PCCA: variants seen among roughly 807,000 people sequenced by gnomAD.
PCCA encodes the protein propionyl-CoA carboxylase alpha chain, mitochondrial.
In PCCA, 74 loss-of-function variants were observed where a neutral mutation model predicts 101.3. The ratio of observed to expected loss-of-function variants is 0.73; its 90% CI spans 0.61 to 0.89. The LOEUF (loss-of-function observed/expected upper bound fraction) is 0.89. Ranked by LOEUF, PCCA falls within the 40% of genes least tolerant of loss-of-function variation. The pLI, the probability that PCCA is intolerant of heterozygous loss-of-function variation, is 0.00. For missense variants in PCCA, 891 were observed against 907.0 expected, an observed-to-expected ratio of 0.98 and a Z score of 0.23; for synonymous variants, 294 against 313.6, an observed-to-expected ratio of 0.94 and a Z score of 0.66.
intron 1 of PCCA, among the ~76,000 whole-genome samples, chr13:100,094,019 G>A (rs571425713): frequency 8.6e-5 from 13 of 151,912 alleles, no homozygotes; most frequent in African/African-American, 2.2e-4. Flanking sequence ...ACCTGAGGTC[G>A]GGAGTTCAAG....
At chr13:100,265,496 C>T (rs920071996) in intron 10 of PCCA, among the ~76,000 whole-genome samples, 1 of 152,068 alleles carries the variant, frequency 6.6e-6, no homozygotes, top group Non-Finnish European at 1.5e-5. Context: ...AGTTTTCATT[C>T]TCTTTAGGTT....
intron 19 of PCCA, among the ~76,000 whole-genome samples, chr13:100,411,083 T>G (rs1302890935): frequency 6.6e-6 from 1 of 152,156 alleles, no homozygotes; most frequent in Non-Finnish European, 1.5e-5. Context: ...GGTATCAATG[T>G]GAAGTCATTT....
At chr13:100,326,484 A>T (rs1273297820) in intron 16 of PCCA, among the ~76,000 whole-genome samples, 1 of 152,198 alleles carries the variant, frequency 6.6e-6, no homozygotes, top group African/African-American at 2.4e-5. Flanking sequence ...TGGCAGTAAA[A>T]CTAAAACAGT....
At chr13:100,374,376 A>T (rs778055147) in intron 19 of PCCA, among the ~76,000 whole-genome samples, 9 of 151,966 alleles carry the variant, frequency 5.9e-5, no homozygotes, top group Non-Finnish European at 1.0e-4. Flanking sequence ...CCAATAACAA[A>T]CTGATTTTTA....
At chr13:100,301,687 T>TAGGGTTTTATAATGTTGCCAA in intron 13 of PCCA, 84 bp downstream of exon 13, 1 of 1,465,810 alleles carries the variant, frequency 6.8e-7, no homozygotes, top group Admixed American at 1.7e-5. Flanking sequence ...GAGGTAAAGT[T>TAGGGTTTTATAATGTTGCCAA]AGGGTTTTAT....
At chr13:100,132,270 C>CCGTTACCCCTCAGACTCCCTTGTGAGT (rs2050592787) in intron 4 of PCCA, among the ~76,000 whole-genome samples, 1 of 133,798 alleles carries the variant, frequency 7.5e-6, no homozygotes, top group South Asian at 2.7e-4. Context: ...CAGAGTAGTT[C>CCGTTACCCCTCAGACTCCCTTGTGAGT]CATTACCCCT....
chr13:100,233,603 A>G (rs1229293405), intron 7 of PCCA, among the ~76,000 whole-genome samples: 1 of 152,180 alleles, frequency 6.6e-6, no homozygotes, highest in Non-Finnish European at 1.5e-5. Context: ...CTCAAAGACC[A>G]TATTGGGGCT....
intron 7 of PCCA, among the ~76,000 whole-genome samples, chr13:100,231,955 G>T (rs1434170167): frequency 6.6e-6 from 1 of 152,100 alleles, no homozygotes; most frequent in African/African-American, 2.4e-5. Flanking sequence ...GTGTATTTCT[G>T]TCTTAATGTA....
intron 18 of PCCA, among the ~76,000 whole-genome samples, chr13:100,355,817 C>T (rs2073899756): frequency 6.6e-6 from 1 of 152,044 alleles, no homozygotes; most frequent in Non-Finnish European, 1.5e-5. Flanking sequence ...AATGCTTTTG[C>T]ATTGTAAAAG....
At chr13:100,227,000 C>T (rs1172827774) in intron 7 of PCCA, among the ~76,000 whole-genome samples, 3 of 152,164 alleles carry the variant, frequency 2.0e-5, no homozygotes, top group South Asian at 2.1e-4. Context: ...TCTGGCATAG[C>T]GCCTGTGTTC....
intron 1 of PCCA, among the ~76,000 whole-genome samples, chr13:100,093,667 C>A (rs2046477224): frequency 2.0e-5 from 3 of 152,060 alleles, no homozygotes; most frequent in Admixed American, 2.0e-4. Context: ...CAATCTCAAC[C>A]CTTTGGGAGG....
intron 4 of PCCA, among the ~76,000 whole-genome samples, chr13:100,128,816 T>G (rs1398491983): frequency 2.2e-4 from 33 of 152,154 alleles, no homozygotes; most frequent in Non-Finnish European, 5.9e-5. Context: ...ATCTCCTAGT[T>G]TTCTCTCTAC....
At chr13:100,307,064 C>T in intron 14 of PCCA, 128 bp from the exon 15 acceptor site, 1 of 694,712 alleles carries the variant, frequency 1.4e-6, no homozygotes, top group Non-Finnish European at 2.5e-6. Context: ...TTCCTATTTT[C>T]CAGAAGTTGA....
At chr13:100,286,502 C>T (rs9518044) in intron 12 of PCCA, among the ~76,000 whole-genome samples, 141,496 of 152,242 alleles carry the variant, frequency 0.93, 66,635 homozygotes, top group East Asian at 1. Flanking sequence ...GAGTAGGTAA[C>T]TGAAAAAGGT....
rs138146949 is a variant in PCCA, at chr13:100,391,584, G to T, written c.1746+23010G>T. Among the ~76,000 whole-genome samples the T allele has an allele frequency of 7.0e-4, 106 of 152,308 alleles. 1 individual carries two copies. Among genetic ancestry groups the T allele is most frequent in the African/African-American group, 2.5e-3 (105 of 41,566 alleles). Reference sequence around the variant, plus strand: ...CATGTCCAGGAGGCCAGGACACAGGGAGGCTAGGCGGAGAGGTGCCAGTGA... The same window carrying T: ...CATGTCCAGGAGGCCAGGACACAGGTAGGCTAGGCGGAGAGGTGCCAGTGA... On this transcript the variant is annotated intron_variant, in intron 19 of 23. Transcript: ENST00000376285.
intron 4 of PCCA, among the ~76,000 whole-genome samples, chr13:100,113,700 T>C (rs1369485278): frequency 6.6e-6 from 1 of 151,770 alleles, no homozygotes; most frequent in Non-Finnish European, 1.5e-5. Flanking sequence ...TGCCTCATCC[T>C]CTCCAGTAGC....
intron 18 of PCCA, among the ~76,000 whole-genome samples, chr13:100,354,074 AAATAATAATAATAATAATAATAAT>A (rs35218503): frequency 7.7e-6 from 1 of 129,164 alleles, no homozygotes; most frequent in Non-Finnish European, 1.6e-5. Context: ...CCATCTCTAC[AAATAATAATAATAATAATAATAAT>A]AATAATAATA....
rs141747238 is a variant in PCCA at position 100,244,218 on chromosome 13, A to T, written c.637+8340A>T. Among the ~76,000 whole-genome samples, 357 of 152,362 alleles carry T rather than the reference A, an allele frequency of 2.3e-3. 3 individuals carry two copies. Among genetic ancestry groups the T allele is most frequent in the African/African-American group, 8.3e-3 (346 of 41,592 alleles). Reference sequence around the variant, plus strand: ...CATTAAAATAATCTATGTGAAATCCATTAAATAATGAGATGTATATTTTGC... The same window carrying T: ...CATTAAAATAATCTATGTGAAATCCTTTAAATAATGAGATGTATATTTTGC... On this transcript the variant is annotated intron_variant, in intron 8 of 23. Coordinates refer to ENST00000376285, the MANE Select transcript of PCCA (RefSeq NM_000282.4).
chr13:100,248,617 A>C (rs1222166826), intron 8 of PCCA, among the ~76,000 whole-genome samples: 1 of 152,098 alleles, frequency 6.6e-6, no homozygotes, highest in East Asian at 1.9e-4. Context: ...GTCTCTTCAA[A>C]TCTTTTGTTA....
Sources: allele counts gnomAD v4.1 joint callset (sites outside exome capture counted in the v4.1 genomes callset), GRCh38; gene constraint gnomAD v4.1.1; transcripts MANE v1.5; gene names NCBI Gene and HGNC (gene_info 2026-07-23, HGNC 2026-07-21).